SIK2: variants seen among roughly 807,000 people sequenced by gnomAD.
SIK2 encodes the protein salt inducible kinase 2, also known as serine/threonine-protein kinase SIK2.
SIK2 carries 29 observed loss-of-function variants against 103.2 expected under a neutral mutation model. The ratio of observed to expected loss-of-function variants is 0.28; its 90% CI spans 0.21 to 0.38. The LOEUF (loss-of-function observed/expected upper bound fraction) is 0.38, where lower values mean the gene tolerates loss of function less well. Ranked by LOEUF, SIK2 falls within the 10% of genes least tolerant of loss-of-function variation. The pLI, the probability that SIK2 is intolerant of heterozygous loss-of-function variation, is 1.00. For synonymous variants in SIK2, 412 were observed against 446.1 expected, an observed-to-expected ratio of 0.92 and a Z score of 0.96; for missense variants, 879 against 1,171.0, an observed-to-expected ratio of 0.75 and a Z score of 3.64.
chr11:111,646,589 C>T (rs1276760596), intron 3 of SIK2, among the ~76,000 whole-genome samples: 2 of 152,114 alleles, frequency 1.3e-5, no homozygotes, highest in Non-Finnish European at 1.5e-5. Context: ...TTTCATCTTT[C>T]CCTCCTGCCT....
intron 8 of SIK2, among the ~76,000 whole-genome samples, chr11:111,710,661 T>C (rs1943470336): frequency 6.6e-6 from 1 of 152,222 alleles, no homozygotes; most frequent in African/African-American, 2.4e-5. Flanking sequence ...TGTTACTGAG[T>C]TAAGGACATT....
At chr11:111,720,867 T>C in intron 11 of SIK2, 32 bp from the exon 12 acceptor site, 1 of 1,607,738 alleles carries the variant, frequency 6.2e-7, no homozygotes, top group Middle Eastern at 1.7e-4. Context: ...TGTATTTTAG[T>C]TAAACTGTTT....
intron 1 of SIK2, among the ~76,000 whole-genome samples, chr11:111,611,497 G>A (rs1230776662): frequency 2.0e-5 from 3 of 152,060 alleles, no homozygotes; most frequent in Non-Finnish European, 1.5e-5. Flanking sequence ...TATAATAAGT[G>A]AAAATGGTAT....
chr11:111,692,367 A>C (rs1389521855), intron 4 of SIK2, among the ~76,000 whole-genome samples: 13 of 128,828 alleles, frequency 1.0e-4, no homozygotes, highest in Non-Finnish European at 1.8e-4. Flanking sequence ...AAAAAAAAAA[A>C]AAAAAAAAAA....
chr11:111,701,714 G>A lies in SIK2; in HGVS notation c.727+139G>A. Reference sequence around the variant, plus strand: ...AGCTGTAGGTTAAAAGCTATAGAAAGAAGCAACCTCCTTTATGTAGGCGAG... The same window carrying A: ...AGCTGTAGGTTAAAAGCTATAGAAAAAAGCAACCTCCTTTATGTAGGCGAG... On this transcript the variant is annotated intron_variant, in intron 6 of 14. Transcript: ENST00000304987. This position sits in a 1 kb window ranked among gnomAD's most constrained non-coding sequence, Gnocchi z 4.2. 1 of 1,033,662 alleles carries A rather than the reference G, an allele frequency of 9.7e-7. No individual in the cohort carries two copies. The highest frequency in any genetic ancestry group is 1.4e-6 in the Non-Finnish European group (1 of 736,460). 64.0% of individuals were successfully genotyped at this position (1,033,662 alleles called of 1,614,324 possible). A position where few individuals can be genotyped will look rare whatever the true frequency, so the allele number is the denominator to read the frequency against.
chr11:111,615,016 G>A (rs543191349), intron 1 of SIK2, among the ~76,000 whole-genome samples: 1 of 152,096 alleles, frequency 6.6e-6, no homozygotes, highest in Non-Finnish European at 1.5e-5. Flanking sequence ...GCACACACCT[G>A]TAATCCCAGC....
At position 111,704,801 on chromosome 11, in the gene SIK2, A is replaced by G. The variant is rs1401886937; in HGVS notation, c.949-186A>G. Among the ~76,000 whole-genome samples the G allele has an allele frequency of 2.0e-5, 3 of 152,182 alleles. No individual in the cohort carries two copies. The East Asian group carries it at 5.8e-4, about 29-fold the overall frequency. On this transcript the variant is annotated intron_variant, in intron 7 of 14. Transcript: ENST00000304987. ...AAAGGGATCATCCTTTATATAATTA[A>G]TACTAGAGACTTGAAGTTTTCTGCC... is the stretch of plus-strand genomic sequence containing the variant.
chr11:111,647,467 C>CA (rs957651992), intron 3 of SIK2, among the ~76,000 whole-genome samples: 1 of 136,236 alleles, frequency 7.3e-6, no homozygotes, highest in Non-Finnish European at 1.5e-5. Flanking sequence ...ACAAAAAATA[C>CA]AAAAAATACG....
At chr11:111,647,484 A>G (rs944810538) in intron 3 of SIK2, among the ~76,000 whole-genome samples, 9 of 148,876 alleles carry the variant, frequency 6.0e-5, no homozygotes, top group African/African-American at 1.7e-4. Flanking sequence ...TACGCCAGGC[A>G]TGTTGGCATT....
chr11:111,655,516 A>G (rs1942380642), intron 3 of SIK2, among the ~76,000 whole-genome samples: 1 of 152,222 alleles, frequency 6.6e-6, no homozygotes, highest in Non-Finnish European at 1.5e-5. Flanking sequence ...TTTTTATTTT[A>G]GTGTTTTATA....
At chr11:111,678,775 A>C (rs989427466) in intron 3 of SIK2, among the ~76,000 whole-genome samples, 4 of 152,234 alleles carry the variant, frequency 2.6e-5, no homozygotes, top group Admixed American at 2.6e-4. Flanking sequence ...CTTACGTGAC[A>C]GGAAAAAAAA....
chr11:111,612,361 G>C (rs1014732957), intron 1 of SIK2, among the ~76,000 whole-genome samples: 4 of 152,152 alleles, frequency 2.6e-5, no homozygotes, highest in African/African-American at 7.2e-5. Context: ...ACCATTGTTA[G>C]TATTATACAT....
intron 12 of SIK2, among the ~76,000 whole-genome samples, chr11:111,721,373 A>T (rs1943796444): frequency 6.6e-6 from 1 of 152,050 alleles, no homozygotes. Context: ...TGCCACACAC[A>T]CACCCAAATG....
chr11:111,622,831 G>T (rs1461730032), intron 3 of SIK2, among the ~76,000 whole-genome samples: 3 of 151,914 alleles, frequency 2.0e-5, no homozygotes, highest in African/African-American at 7.3e-5. Context: ...TGCTTTTAAG[G>T]CTTTCTATTT....
rs1450254672 is a variant in SIK2, at chr11:111,730,733, G to T, written c.*6604G>T. ...ATGTTAGAAAATTGCCTAAAATGCA[G>T]TGTAATAAATAATCTCTGTACCAAA... On this transcript the variant is annotated 3_prime_UTR_variant, in exon 15 of 15. Transcript: ENST00000304987. 6.6e-6 allele frequency: 1 copy of T among 152,110 alleles called. No homozygotes were observed. Among genetic ancestry groups the T allele is most frequent in the South Asian group, 2.1e-4 (1 of 4,828 alleles). The allele number at this position is 152,110 out of a possible 1,614,324, so 9.4% of individuals were successfully genotyped here. A position where few individuals can be genotyped will look rare whatever the true frequency, so the allele number is the denominator to read the frequency against.
chr11:111,722,504 GA>G lies in SIK2; in HGVS notation c.2056-160del, dbSNP rs935605477. Among the ~76,000 whole-genome samples, 10 of 152,362 alleles carry G rather than the reference GA, an allele frequency of 6.6e-5. No individual in the cohort carries two copies. Among genetic ancestry groups the G allele is most frequent in the African/African-American group, 2.2e-4 (9 of 41,592 alleles). ...AGAGATGGCCCAGGCCTGCGGGCCCGATGCTCTTTCAGGGTCTCAGGGAGTA... is the reference window on the plus strand; with the variant it reads ...AGAGATGGCCCAGGCCTGCGGGCCCGTGCTCTTTCAGGGTCTCAGGGAGTA... On this transcript the variant is annotated intron_variant, in intron 13 of 14. Transcript: ENST00000304987. This position sits in a 1 kb window ranked among gnomAD's most constrained non-coding sequence, Gnocchi z 4.4.
chr11:111,694,221 T>A (rs1353686124), intron 4 of SIK2, among the ~76,000 whole-genome samples: 2 of 152,188 alleles, frequency 1.3e-5, no homozygotes, highest in Non-Finnish European at 2.9e-5. Flanking sequence ...CATATAACCC[T>A]CTCGGCATGT....
rs1444352175 is a variant in SIK2 at position 111,725,347 on chromosome 11, T to C, written c.*1218T>C. 6.6e-6 allele frequency: 1 copy of C among 152,634 alleles called. No homozygotes were observed. Among genetic ancestry groups the C allele is most frequent in the Non-Finnish European group, 1.5e-5 (1 of 68,032 alleles). 9.5% of individuals were successfully genotyped at this position (152,634 alleles called of 1,614,324 possible). A position where few individuals can be genotyped will look rare whatever the true frequency, so the allele number is the denominator to read the frequency against. ...GAAATGTTCAAGTATTACAGCAATA[T>C]TCAAAGAAAGAACCACAGATGTGTT... On this transcript the variant is annotated 3_prime_UTR_variant, in exon 15 of 15. Transcript: ENST00000304987.
chr11:111,652,379 G>T (rs1287057107), intron 3 of SIK2, among the ~76,000 whole-genome samples: 1 of 152,110 alleles, frequency 6.6e-6, no homozygotes, highest in African/African-American at 2.4e-5. Context: ...ACAGAAATTG[G>T]TAGAGCAGCG....
Sources: allele counts gnomAD v4.1 joint callset (sites outside exome capture counted in the v4.1 genomes callset), GRCh38; gene constraint gnomAD v4.1.1; non-coding constraint Gnocchi (gnomAD v3.1); transcripts MANE v1.5; gene names NCBI Gene and HGNC (gene_info 2026-07-23, HGNC 2026-07-21).